SAMTOR: variants seen among roughly 807,000 people sequenced by gnomAD.
SAMTOR encodes the protein S-adenosylmethionine sensor upstream of mTORC1.
chr7:112,929,558 T>C, the SAMTOR span, among the ~76,000 whole-genome samples: 1 of 151,996 alleles, frequency 6.6e-6, no homozygotes, highest in African/African-American at 2.4e-5. Flanking sequence ...AACTACTACA[T>C]GATTCAGCAA....
At chr7:112,847,341 T>A in the SAMTOR span, among the ~76,000 whole-genome samples, 1 of 152,246 alleles carries the variant, frequency 6.6e-6, no homozygotes, top group Non-Finnish European at 1.5e-5. Context: ...TCTTTCTTAC[T>A]ACAATTAAAG....
At chr7:112,821,100 A>G in the SAMTOR span, 1 of 152,508 alleles carries the variant, frequency 6.6e-6, no homozygotes, top group Non-Finnish European at 1.5e-5. Flanking sequence ...TAATAAAATT[A>G]GAATACACAC....
chr7:112,898,033 C>A, the SAMTOR span, among the ~76,000 whole-genome samples: 1 of 152,206 alleles, frequency 6.6e-6, no homozygotes, highest in Non-Finnish European at 1.5e-5. Context: ...GGACTTTGCA[C>A]TGGAACTCCA....
chr7:112,903,704 A>C, the SAMTOR span, among the ~76,000 whole-genome samples: 3 of 152,224 alleles, frequency 2.0e-5, no homozygotes, highest in South Asian at 6.2e-4. Context: ...AAGAGGAACA[A>C]GATACAAAAG....
the SAMTOR span, among the ~76,000 whole-genome samples, chr7:112,833,231 CAGAGTG>C: frequency 6.6e-6 from 1 of 152,202 alleles, no homozygotes; most frequent in Admixed American, 6.5e-5. Flanking sequence ...ACTCTACACT[CAGAGTG>C]AGAGTAAAAA....
chr7:112,839,489 C>G, the SAMTOR span, among the ~76,000 whole-genome samples: 1 of 151,726 alleles, frequency 6.6e-6, no homozygotes, highest in African/African-American at 2.4e-5. Flanking sequence ...ACTAAAGGTA[C>G]TTGGGAGGAA....
chr7:112,897,008 A>C, the SAMTOR span, among the ~76,000 whole-genome samples: 1 of 152,182 alleles, frequency 6.6e-6, no homozygotes, highest in Non-Finnish European at 1.5e-5. Flanking sequence ...ACCTATTCAC[A>C]AATGAAAAAA....
the SAMTOR span, among the ~76,000 whole-genome samples, chr7:112,906,291 T>TTTC: frequency 2.0e-5 from 3 of 152,122 alleles, no homozygotes; most frequent in Non-Finnish European, 4.4e-5. Context: ...TATCTAAACA[T>TTTC]AGAAAAGGTA....
At chr7:112,910,287 G>A in the SAMTOR span, among the ~76,000 whole-genome samples, 16 of 152,110 alleles carry the variant, frequency 1.1e-4, no homozygotes, top group East Asian at 3.9e-4. Flanking sequence ...AATTGCTTTC[G>A]TGAAAATTGG....
chr7:112,898,574 G>C, the SAMTOR span, among the ~76,000 whole-genome samples: 7 of 152,144 alleles, frequency 4.6e-5, no homozygotes, highest in African/African-American at 1.4e-4. Flanking sequence ...CTCTGCCCTG[G>C]GGGGATGGAC....
chr7:112,824,723 C>A, the SAMTOR span, among the ~76,000 whole-genome samples: 2 of 152,000 alleles, frequency 1.3e-5, no homozygotes, highest in South Asian at 2.1e-4. Context: ...TATATGGATA[C>A]CCCTTTGTTT....
chr7:112,906,561 G>T, the SAMTOR span, among the ~76,000 whole-genome samples: 1 of 133,480 alleles, frequency 7.5e-6, no homozygotes, highest in African/African-American at 2.7e-5. Flanking sequence ...TAGAACAAAT[G>T]GAAAGACATA....
chr7:112,825,789 T>A, the SAMTOR span, among the ~76,000 whole-genome samples: 6 of 152,102 alleles, frequency 3.9e-5, no homozygotes, highest in African/African-American at 1.4e-4. Flanking sequence ...CCATTAAGGA[T>A]GATGTTAGCT....
chr7:112,921,778 G>GTGGGT, the SAMTOR span, among the ~76,000 whole-genome samples: 1 of 33,794 alleles, frequency 3.0e-5, no homozygotes, highest in East Asian at 8.9e-4. Flanking sequence ...CCATCAACAA[G>GTGGGT]GACATTAACA....
At chr7:112,930,953 G>A in the SAMTOR span, among the ~76,000 whole-genome samples, 1 of 152,142 alleles carries the variant, frequency 6.6e-6, no homozygotes. Context: ...ATGGATATGA[G>A]CAAAGCTTTG....
the SAMTOR span, among the ~76,000 whole-genome samples, chr7:112,893,686 G>A: frequency 2.6e-5 from 4 of 152,258 alleles, no homozygotes; most frequent in East Asian, 3.9e-4. Context: ...GGTGGATCAC[G>A]AGGTCAAGAG....
the SAMTOR span, among the ~76,000 whole-genome samples, chr7:112,860,462 T>G: frequency 6.6e-6 from 1 of 152,180 alleles, no homozygotes; most frequent in African/African-American, 2.4e-5. Context: ...GTTCCCTTAT[T>G]GCATCCTGCG....
chr7:112,849,354 T>A, the SAMTOR span, among the ~76,000 whole-genome samples: 8 of 152,142 alleles, frequency 5.3e-5, no homozygotes, highest in African/African-American at 1.9e-4. Context: ...AGACAGATAA[T>A]CAACAGAGCT....
chr7:112,852,462 G>A, the SAMTOR span, among the ~76,000 whole-genome samples: 2 of 151,950 alleles, frequency 1.3e-5, no homozygotes, highest in Admixed American at 1.3e-4. Context: ...AGACATTGGA[G>A]AATCCAAAAG....
Sources: gnomAD v4.1 joint callset for allele counts (sites outside exome capture counted in the v4.1 genomes callset) on GRCh38, gnomAD v4.1.1 for gene constraint, MANE v1.5 for transcripts, NCBI Gene and HGNC (gene_info 2026-07-23, HGNC 2026-07-21) for gene names.